Variants in ATXN1 observed in about 807,000 individuals in gnomAD.
ATXN1 encodes the protein ataxin 1, also known as ataxin-1.
ATXN1 carries 8 observed loss-of-function variants against 56.4 expected under a neutral mutation model. The ratio of observed to expected loss-of-function variants is 0.14; its 90% CI spans 0.08 to 0.26. ATXN1 has a LOEUF of 0.26. ATXN1 is among the 10% of genes least tolerant of loss of function. The probability of loss-of-function intolerance (pLI) is 1.00; values close to 1 mark genes in which losing one functional copy is unlikely to be tolerated. For synonymous variants in ATXN1, 514 were observed against 494.6 expected (o/e 1.04, Z -0.52); for missense variants, 987 against 1,106.5 (o/e 0.89, Z 1.53).
In ATXN1 at chr6:16,444,236, T is replaced by C. The variant is rs114585115; in HGVS notation, c.-161+41736A>G. Reference sequence around the variant, plus strand: ...ACAATATTCAACCCAGTGAGAACAGTTCCCCTGGGGCCCAGTCTTTGGTCT... The same window carrying C: ...ACAATATTCAACCCAGTGAGAACAGCTCCCCTGGGGCCCAGTCTTTGGTCT... On this transcript the variant is annotated intron_variant, in intron 6 of 7. Coordinates refer to ENST00000436367, the MANE Select transcript of ATXN1 (RefSeq NM_001128164.2). 7.9e-4 allele frequency among the ~76,000 whole-genome samples: 121 copies of C among 152,250 alleles called. 1 individual carries two copies. Among genetic ancestry groups the C allele is most frequent in the Non-Finnish European group, 1.4e-3 (97 of 68,022 alleles).
chr6:16,359,643 T>A (rs1761766441), intron 6 of ATXN1, among the ~76,000 whole-genome samples: 1 of 152,040 alleles, frequency 6.6e-6, no homozygotes, highest in Non-Finnish European at 1.5e-5. Context: ...AATGGGACGA[T>A]CTGCTTATAG....
intron 4 of ATXN1, among the ~76,000 whole-genome samples, chr6:16,578,478 C>T (rs1051469337): frequency 3.9e-5 from 6 of 152,222 alleles, no homozygotes; most frequent in Admixed American, 6.5e-5. Flanking sequence ...ATCTACTTCT[C>T]GAATCTTCTT....
intron 2 of ATXN1, among the ~76,000 whole-genome samples, chr6:16,694,762 C>T (rs1356281102): frequency 6.8e-6 from 1 of 147,600 alleles, no homozygotes; most frequent in Non-Finnish European, 1.5e-5. Flanking sequence ...CCTACTACCT[C>T]TGTTTGAACA....
At chr6:16,606,522 GTTTT>G (rs77088625) in intron 3 of ATXN1, among the ~76,000 whole-genome samples, 1 of 147,800 alleles carries the variant, frequency 6.8e-6, no homozygotes, top group Admixed American at 6.7e-5. Context: ...TTGTTTGTGG[GTTTT>G]TTTTTTTATT....
intron 5 of ATXN1, among the ~76,000 whole-genome samples, chr6:16,504,720 C>T (rs189110257): frequency 1.6e-4 from 24 of 152,250 alleles, no homozygotes; most frequent in Non-Finnish European, 3.1e-4. Flanking sequence ...GTGAACTGCT[C>T]CCCACAAAGA....
intron 4 of ATXN1, among the ~76,000 whole-genome samples, chr6:16,584,618 C>G (rs1762590007): frequency 6.6e-6 from 1 of 151,574 alleles, no homozygotes; most frequent in South Asian, 2.1e-4. Flanking sequence ...GTACAATTTA[C>G]TTGACTTACA....
At chr6:16,524,451 C>G (rs7762230) in intron 4 of ATXN1, among the ~76,000 whole-genome samples, 1 of 152,022 alleles carries the variant, frequency 6.6e-6, no homozygotes, top group Non-Finnish European at 1.5e-5. Flanking sequence ...ACAGACGAGA[C>G]GTCTACAGTA....
chr6:16,654,439 G>A (rs1469351623), intron 3 of ATXN1, among the ~76,000 whole-genome samples: 1 of 151,832 alleles, frequency 6.6e-6, no homozygotes, highest in Admixed American at 6.6e-5. Flanking sequence ...AGCTACTCAG[G>A]AGGCTGAGGC....
chr6:16,443,186 T>C (rs1284153500), intron 6 of ATXN1, among the ~76,000 whole-genome samples: 2 of 10,656 alleles, frequency 1.9e-4, no homozygotes, highest in Non-Finnish European at 3.6e-4. Flanking sequence ...TGTCTCTAAA[T>C]AAATAAATAA....
chr6:16,714,882 C>G (rs1205824117), intron 2 of ATXN1, among the ~76,000 whole-genome samples: 1 of 152,010 alleles, frequency 6.6e-6, no homozygotes, highest in Non-Finnish European at 1.5e-5. Context: ...ATAAGCCACA[C>G]CATTCTATGC....
intron 6 of ATXN1, among the ~76,000 whole-genome samples, chr6:16,387,919 G>T (rs9464888): frequency 0.12 from 17,867 of 152,176 alleles, 1,111 homozygotes; most frequent in African/African-American, 0.14. Flanking sequence ...AATGAATTTA[G>T]TGGATACTTT....
chr6:16,410,512 G>A lies in ATXN1; in HGVS notation c.-161+75460C>T, dbSNP rs537710357. ...TTTTCTGATGTAGCGATATTTTGGA[G>A]ATTATGGTTCAACCAGTGATTTGTC... On this transcript the variant is annotated intron_variant, in intron 6 of 7. Transcript: ENST00000436367. The surrounding 1 kb of genome is among the most constrained non-coding windows in gnomAD (Gnocchi z 4.6). Among the ~76,000 whole-genome samples the A allele has an allele frequency of 1.3e-5, 2 of 152,330 alleles. No homozygotes were observed. Among genetic ancestry groups the A allele is most frequent in the South Asian group, 4.1e-4 (2 of 4,832 alleles).
intron 6 of ATXN1, among the ~76,000 whole-genome samples, chr6:16,469,730 G>A (rs1371679747): frequency 2.6e-5 from 4 of 152,156 alleles, no homozygotes; most frequent in Non-Finnish European, 4.4e-5. Context: ...TTGGGAGGCC[G>A]AGGCAGGCAG....
At chr6:16,644,158 T>C (rs1167868277) in intron 3 of ATXN1, among the ~76,000 whole-genome samples, 2 of 152,200 alleles carry the variant, frequency 1.3e-5, no homozygotes, top group African/African-American at 4.8e-5. Flanking sequence ...GAAAAAGTTC[T>C]GGAAATGGAT....
chr6:16,573,877 G>A (rs1001027882), intron 4 of ATXN1, among the ~76,000 whole-genome samples: 2 of 152,078 alleles, frequency 1.3e-5, no homozygotes, highest in East Asian at 1.9e-4. Context: ...CTCATAGGAA[G>A]CTCTTCCTGA....
In ATXN1 at chr6:16,327,738, C is replaced by G; in HGVS notation, c.573G>C (p.Pro191=). The change falls in exon 7 of 8, where the codon CCG becomes CCC. Residue 191 remains proline, a synonymous_variant. Transcript: ENST00000436367. ...LANMGSLSQT[P]GHKAEQQQQQ... is the part of the protein sequence containing the mutation. ...GCTGCTGCTGCTCAGCCTTGTGTCC[C>G]GGCGTCTGGCTCAGACTGCCCATGT... The G allele has an allele frequency of 6.2e-7, 1 of 1,607,704 alleles. No individual in the cohort carries two copies. The highest frequency in any genetic ancestry group is 8.5e-7 in the Non-Finnish European group (1 of 1,179,814).
chr6:16,430,615 A>T, intron 6 of ATXN1, among the ~76,000 whole-genome samples: 1 of 152,148 alleles, frequency 6.6e-6, no homozygotes, highest in Admixed American at 6.5e-5. Context: ...ATTTTTGGGA[A>T]AGATGCAACT....
chr6:16,608,597 G>A (rs538488603), intron 3 of ATXN1, among the ~76,000 whole-genome samples: 8 of 152,332 alleles, frequency 5.3e-5, no homozygotes, highest in Admixed American at 2.6e-4. Flanking sequence ...CCAGGCCCCA[G>A]CTGCCAAATG....
At chr6:16,381,452 C>T (rs1273752341) in intron 6 of ATXN1, among the ~76,000 whole-genome samples, 2 of 152,190 alleles carry the variant, frequency 1.3e-5, no homozygotes, top group Admixed American at 6.5e-5. Context: ...ACACCTTGAT[C>T]TCTGACTTCC....
Sources: gnomAD v4.1 joint callset for allele counts (sites outside exome capture counted in the v4.1 genomes callset) on GRCh38, gnomAD v4.1.1 for gene constraint, Gnocchi (gnomAD v3.1) non-coding constraint, MANE v1.5 for transcripts, NCBI Gene and HGNC (gene_info 2026-07-23, HGNC 2026-07-21) for gene names.